Variants in RCAN2 observed in about 807,000 individuals in gnomAD.
RCAN2 encodes calcipressin-2.
RCAN2 carries 9 observed loss-of-function variants against 23.6 expected under a neutral mutation model. That is an observed-to-expected ratio of 0.38 (90% CI 0.23 to 0.67). RCAN2 has a LOEUF of 0.67. Among genes scored for constraint, RCAN2 ranks in the 30% least tolerant of loss-of-function variants. The pLI is 0.51. For synonymous variants in RCAN2, 109 were observed against 115.7 expected, an observed-to-expected ratio of 0.94 and a Z score of 0.37; for missense variants, 273 against 302.3, an observed-to-expected ratio of 0.90 and a Z score of 0.72.
intron 2 of RCAN2, among the ~76,000 whole-genome samples, chr6:46,426,600 G>A (rs1330063266): frequency 1.3e-5 from 2 of 152,144 alleles, no homozygotes; most frequent in Non-Finnish European, 2.9e-5. Context: ...GTAAATGAAT[G>A]AGCCCTAAAT....
chr6:46,354,895 ATATGTGTGTGTGTGTGTGTGTGTGTG>A (rs1004982686), intron 2 of RCAN2, among the ~76,000 whole-genome samples: 1 of 136,218 alleles, frequency 7.3e-6, no homozygotes, highest in African/African-American at 2.8e-5. Flanking sequence ...AAAAGATTAT[ATATGTGTGTGTGTGTGTGTGTGTGTG>A]TGTGTGTGTG....
At chr6:46,313,444 G>A (rs1402482096) in intron 2 of RCAN2, among the ~76,000 whole-genome samples, 1 of 152,096 alleles carries the variant, frequency 6.6e-6, no homozygotes, top group Non-Finnish European at 1.5e-5. Flanking sequence ...GCTATACCAG[G>A]GCATCAGGAA....
At position 46,241,465 on chromosome 6, in the gene RCAN2, C is replaced by A. The variant is rs183242660; in HGVS notation, c.571+5283G>T. ...TAAACAGAGGAAGGCAAATTTTGAT[C>A]TGCACGTCCTGCTGGACACAAGAAA... On this transcript the variant is annotated intron_variant, in intron 4 of 4. Coordinates refer to ENST00000371374, the MANE Select transcript of RCAN2 (RefSeq NM_001251974.2). Among the ~76,000 whole-genome samples, 223 of 152,286 alleles carry A rather than the reference C, an allele frequency of 1.5e-3. 3 individuals are homozygous for A. The highest frequency in any genetic ancestry group is 5.8e-4 in the East Asian group (3 of 5,180).
intron 2 of RCAN2, among the ~76,000 whole-genome samples, chr6:46,429,036 T>A (rs1186107491): frequency 6.6e-6 from 1 of 152,202 alleles, no homozygotes; most frequent in African/African-American, 2.4e-5. Context: ...TATCAGGTAA[T>A]CAATTAAGCA....
intron 2 of RCAN2, among the ~76,000 whole-genome samples, chr6:46,296,177 A>T (rs1762725514): frequency 6.7e-6 from 1 of 150,302 alleles, no homozygotes; most frequent in South Asian, 2.1e-4. Context: ...GCATGTGAAT[A>T]CCCAGTTGCT....
chr6:46,358,039 A>T (rs1044928848), intron 2 of RCAN2, among the ~76,000 whole-genome samples: 2 of 152,150 alleles, frequency 1.3e-5, no homozygotes, highest in African/African-American at 4.8e-5. Flanking sequence ...TAAAATCTTT[A>T]GTTTATTTTT....
chr6:46,478,933 C>A (rs567179461), intron 1 of RCAN2, among the ~76,000 whole-genome samples: 1 of 152,298 alleles, frequency 6.6e-6, no homozygotes, highest in African/African-American at 2.4e-5. Flanking sequence ...TGGCGATGTG[C>A]ATACAACTGT....
At chr6:46,355,937 C>T (rs181341803) in intron 2 of RCAN2, among the ~76,000 whole-genome samples, 1 of 152,308 alleles carries the variant, frequency 6.6e-6, no homozygotes, top group Admixed American at 6.5e-5. Flanking sequence ...CTGGCTGATG[C>T]CTTCTCTACT....
chr6:46,289,875 A>G (rs1043231962), intron 2 of RCAN2, among the ~76,000 whole-genome samples: 2 of 152,182 alleles, frequency 1.3e-5, no homozygotes, highest in South Asian at 4.1e-4. Flanking sequence ...AGGTATTACC[A>G]TAGTACTAAG....
chr6:46,458,713 T>C (rs548510918), intron 1 of RCAN2, among the ~76,000 whole-genome samples: 1 of 152,334 alleles, frequency 6.6e-6, no homozygotes, highest in South Asian at 2.1e-4. Context: ...ACAACTTCAA[T>C]GAAACATGTG....
intron 2 of RCAN2, among the ~76,000 whole-genome samples, chr6:46,305,468 TA>T (rs1561850888): frequency 6.6e-6 from 1 of 151,986 alleles, no homozygotes; most frequent in Non-Finnish European, 1.5e-5. Context: ...CAGTCACCAT[TA>T]AAGCACTTGT....
intron 2 of RCAN2, among the ~76,000 whole-genome samples, chr6:46,361,888 G>A (rs1295358917): frequency 1.3e-5 from 2 of 152,164 alleles, no homozygotes; most frequent in African/African-American, 4.8e-5. Context: ...ATAAAATCCT[G>A]AGAATTTATA....
intron 1 of RCAN2, among the ~76,000 whole-genome samples, chr6:46,476,483 A>T (rs1239857821): frequency 6.6e-6 from 1 of 152,212 alleles, no homozygotes; most frequent in Non-Finnish European, 1.5e-5. Context: ...CTTAGTCATG[A>T]AGGACATAGT....
intron 2 of RCAN2, among the ~76,000 whole-genome samples, chr6:46,404,659 T>C (rs1766347057): frequency 1.3e-5 from 2 of 152,242 alleles, no homozygotes; most frequent in Admixed American, 6.5e-5. Context: ...AATTTCTTTT[T>C]AGATGTGATA....
chr6:46,374,614 G>C (rs147792949), intron 2 of RCAN2, among the ~76,000 whole-genome samples: 2,602 of 152,124 alleles, frequency 0.017, 53 homozygotes, highest in South Asian at 0.12. Flanking sequence ...AGATTCCACG[G>C]GTGTAATACT....
chr6:46,276,916 A>T (rs76421299), intron 2 of RCAN2, among the ~76,000 whole-genome samples: 1 of 152,358 alleles, frequency 6.6e-6, no homozygotes, highest in Admixed American at 6.5e-5. Context: ...GCCTCCAAAC[A>T]GATGCCTGGG....
intron 4 of RCAN2, among the ~76,000 whole-genome samples, chr6:46,236,005 A>G (rs1766081456): frequency 6.6e-6 from 1 of 152,222 alleles, no homozygotes; most frequent in African/African-American, 2.4e-5. Context: ...ACTAGGAAAC[A>G]GACATATGTG....
intron 2 of RCAN2, among the ~76,000 whole-genome samples, chr6:46,430,925 C>T (rs919961481): frequency 2.0e-5 from 3 of 152,078 alleles, no homozygotes; most frequent in African/African-American, 4.8e-5. Context: ...AATACTTTTG[C>T]GTAGAGAACC....
chr6:46,397,990 T>G lies in RCAN2; in HGVS notation c.225+58762A>C, dbSNP rs561715078. On this transcript the variant is annotated intron_variant, in intron 2 of 4. Coordinates refer to ENST00000371374, the MANE Select transcript of RCAN2 (RefSeq NM_001251974.2). ...AGCATAGTTTCTCATGGCCGAAAAC[T>G]GGAAACAATCAAAATATTGAGAATA... 1.3e-4 allele frequency among the ~76,000 whole-genome samples: 20 copies of G among 152,282 alleles called. No individual in the cohort carries two copies. In the South Asian group the frequency reaches 3.9e-3, roughly 30 times the overall value.
Sources: allele counts gnomAD v4.1 joint callset (sites outside exome capture counted in the v4.1 genomes callset), GRCh38; gene constraint gnomAD v4.1.1; transcripts MANE v1.5; gene names NCBI Gene and HGNC (gene_info 2026-07-23, HGNC 2026-07-21).